IPCEF1: variants seen among roughly 807,000 people sequenced by gnomAD.
The protein encoded by IPCEF1 is interactor protein for cytohesin exchange factors 1.
Under a neutral mutation model 50.9 loss-of-function variants are expected in IPCEF1, and 31 were observed. The observed-to-expected ratio is 0.61, with a 90% CI of 0.46 to 0.82. The LOEUF is 0.82. IPCEF1 is among the 40% of genes least tolerant of loss of function. The probability of loss-of-function intolerance (pLI) is 0.00; values close to 1 mark genes in which losing one functional copy is unlikely to be tolerated. For synonymous variants in IPCEF1, 181 were observed against 192.0 expected, an observed-to-expected ratio of 0.94 and a Z score of 0.47; for missense variants, 458 against 514.0, an observed-to-expected ratio of 0.89 and a Z score of 1.05.
At chr6:154,247,374 AG>A (rs1160281259) in intron 4 of IPCEF1, 74 bp downstream of exon 4, 50 of 1,204,402 alleles carry the variant, frequency 4.2e-5, no homozygotes, top group Non-Finnish European at 5.9e-5. Flanking sequence ...TCTGATCCCA[AG>A]GAAGGCACCC....
chr6:154,330,325 CTTTTTTTTTTT>C (rs138406253), intron 1 of IPCEF1, among the ~76,000 whole-genome samples: 6 of 89,244 alleles, frequency 6.7e-5, no homozygotes, highest in Admixed American at 1.5e-4. Flanking sequence ...ATTATAGCCT[CTTTTTTTTTTT>C]TTTTTTTTTT....
intron 5 of IPCEF1, among the ~76,000 whole-genome samples, chr6:154,240,175 T>C (rs73567183): frequency 0.018 from 2,774 of 152,346 alleles, 96 homozygotes; most frequent in African/African-American, 0.063. Context: ...AATTAGTTAA[T>C]TCATACAACT....
chr6:154,256,073 G>C (rs191000283), intron 3 of IPCEF1, among the ~76,000 whole-genome samples: 94 of 152,106 alleles, frequency 6.2e-4, no homozygotes, highest in African/African-American at 2.1e-3. Flanking sequence ...AGTCAGTTTG[G>C]ACTGCTGTAA....
At chr6:154,236,667 G>C (rs1224817786) in intron 5 of IPCEF1, among the ~76,000 whole-genome samples, 1 of 152,168 alleles carries the variant, frequency 6.6e-6, no homozygotes, top group Non-Finnish European at 1.5e-5. Flanking sequence ...AAATATCAGT[G>C]GCTGACCTGC....
At chr6:154,329,127 A>C (rs1278039644) in intron 1 of IPCEF1, among the ~76,000 whole-genome samples, 3 of 152,230 alleles carry the variant, frequency 2.0e-5, no homozygotes, top group Non-Finnish European at 4.4e-5. Context: ...CATTTTAAAA[A>C]TCTGCCACGT....
chr6:154,166,494 C>T (rs536704939), intron 11 of IPCEF1, among the ~76,000 whole-genome samples: 2 of 152,204 alleles, frequency 1.3e-5, no homozygotes, highest in Non-Finnish European at 2.9e-5. Flanking sequence ...ATGTCCTTCC[C>T]TTGGTATTCA....
intron 8 of IPCEF1, 47 bp downstream of exon 8, chr6:154,214,171 G>A (rs1488460592): frequency 9.1e-6 from 11 of 1,210,726 alleles, no homozygotes; most frequent in Non-Finnish European, 1.4e-5. Context: ...GTTTCAACCT[G>A]TTCTAATATT....
chr6:154,349,183 CTTATTATTA>C (rs149749046), intron 1 of IPCEF1, among the ~76,000 whole-genome samples: 82 of 147,596 alleles, frequency 5.6e-4, no homozygotes, highest in African/African-American at 1.9e-3. Context: ...ATTATTTTAT[CTTATTATTA>C]TTATTATTAT....
chr6:154,306,478 C>A (rs1400106803), intron 1 of IPCEF1, among the ~76,000 whole-genome samples: 3 of 152,182 alleles, frequency 2.0e-5, no homozygotes, highest in Admixed American at 6.5e-5. Context: ...TTCAAGGTAT[C>A]CTCCTGCCTC....
rs1241798661 is a variant in IPCEF1, at chr6:154,347,946, A to C, written c.-62+8726T>G. Among the ~76,000 whole-genome samples the C allele has an allele frequency of 4.6e-5, 7 of 152,238 alleles. No individual in the cohort carries two copies. In the East Asian group the frequency reaches 1.2e-3, roughly 25 times the overall value. ...GATGCAATGCCCGGTGGAAATTACT[A>C]CACCCCATGTCTAGGACCCTGTGAC... On this transcript the variant is annotated intron_variant, in intron 1 of 11. Coordinates refer to ENST00000367220, the MANE Select transcript of IPCEF1 (RefSeq NM_001130700.2).
At chr6:154,354,647 TCTCCAC>T (rs1340317758) in intron 1 of IPCEF1, among the ~76,000 whole-genome samples, 1 of 149,180 alleles carries the variant, frequency 6.7e-6, no homozygotes, top group African/African-American at 2.5e-5. Flanking sequence ...ACCCCCTTTA[TCTCCAC>T]CTCCACCTCC....
At chr6:154,298,212 TA>T (rs892515617) in intron 1 of IPCEF1, among the ~76,000 whole-genome samples, 9 of 151,306 alleles carry the variant, frequency 5.9e-5, no homozygotes, top group South Asian at 2.1e-4. Flanking sequence ...CACTGTTAGT[TA>T]AAAAAAAATG....
chr6:154,176,608 A>G (rs1050702019), intron 10 of IPCEF1, among the ~76,000 whole-genome samples: 1 of 152,224 alleles, frequency 6.6e-6, no homozygotes, highest in Non-Finnish European at 1.5e-5. Flanking sequence ...AATCCAATTT[A>G]CAAGGGATAT....
chr6:154,318,675 T>C (rs1204469513), intron 1 of IPCEF1, among the ~76,000 whole-genome samples: 2 of 142,300 alleles, frequency 1.4e-5, no homozygotes, highest in African/African-American at 2.7e-5. Flanking sequence ...ATCACACCAC[T>C]GCGCTCCAGC....
rs568616454 is a variant in IPCEF1, at chr6:154,336,742, T to G, written c.-62+19930A>C. Among the ~76,000 whole-genome samples, 3 of 152,282 alleles carry G rather than the reference T, an allele frequency of 2.0e-5. No homozygotes were observed. The East Asian group carries it at 5.8e-4, about 29-fold the overall frequency. ...CCTCAGCCTCCCAGGTAACTGGGAC[T>G]ACAAGCATGTGCCACCATGCACAGC... On this transcript the variant is annotated intron_variant, in intron 1 of 11. Coordinates refer to ENST00000367220, the MANE Select transcript of IPCEF1 (RefSeq NM_001130700.2).
chr6:154,337,419 G>A (rs1407487765), intron 1 of IPCEF1, among the ~76,000 whole-genome samples: 1 of 152,138 alleles, frequency 6.6e-6, no homozygotes, highest in Non-Finnish European at 1.5e-5. Context: ...TAATAAAAAG[G>A]TTGCTAAACC....
intron 11 of IPCEF1, among the ~76,000 whole-genome samples, chr6:154,164,333 A>G (rs1242189488): frequency 2.6e-5 from 4 of 152,110 alleles, no homozygotes; most frequent in African/African-American, 9.7e-5. Context: ...AGTAGTTCAA[A>G]TTTTTTACCA....
intron 1 of IPCEF1, among the ~76,000 whole-genome samples, chr6:154,322,919 AC>A (rs2128688574): frequency 6.6e-6 from 1 of 152,350 alleles, no homozygotes; most frequent in East Asian, 1.9e-4. Context: ...TAATACATGA[AC>A]TATACTTGAA....
intron 5 of IPCEF1, among the ~76,000 whole-genome samples, chr6:154,242,742 C>T (rs371726183): frequency 5.3e-5 from 8 of 151,980 alleles, no homozygotes; most frequent in Non-Finnish European, 8.8e-5. Flanking sequence ...CAAAAATTAG[C>T]GGGGCATGGT....
Sources: allele counts gnomAD v4.1 joint callset (sites outside exome capture counted in the v4.1 genomes callset), GRCh38; gene constraint gnomAD v4.1.1; transcripts MANE v1.5; gene names NCBI Gene and HGNC (gene_info 2026-07-23, HGNC 2026-07-21).